Variants in ADRA1A observed in about 807,000 individuals in gnomAD.
ADRA1A encodes adrenoceptor alpha 1A, also known as alpha-1A adrenergic receptor.
Under a neutral mutation model 29.6 loss-of-function variants are expected in ADRA1A, and 31 were observed. The ratio of observed to expected loss-of-function variants is 1.05; its 90% CI spans 0.79 to 1.41. The LOEUF (loss-of-function observed/expected upper bound fraction) is 1.41. Among genes scored for constraint, ADRA1A ranks in the 40% most tolerant of loss-of-function variants. The pLI, the probability that ADRA1A is intolerant of heterozygous loss-of-function variation, is 0.00. For missense variants in ADRA1A, 619 were observed against 601.1 expected, an observed-to-expected ratio of 1.03 and a Z score of -0.31; for synonymous variants, 311 against 254.3, an observed-to-expected ratio of 1.22 and a Z score of -2.12.
rs906754724 is a variant in ADRA1A, at chr8:26,775,225, G to A, written c.884-4559C>T. ...GGACTGACTGACTGAATGAATGAAT[G>A]GCTGTGTCTCTGTGTTCTTGCCATG... On this transcript the variant is annotated intron_variant, in intron 2 of 2. Coordinates refer to ENST00000380573, the MANE Select transcript of ADRA1A (RefSeq NM_000680.4). This position sits in a 1 kb window ranked among gnomAD's most constrained non-coding sequence, Gnocchi z 4.1. 1.3e-5 allele frequency among the ~76,000 whole-genome samples: 2 copies of A among 152,228 alleles called. No homozygotes were observed. The highest frequency in any genetic ancestry group is 4.8e-5 in the African/African-American group (2 of 41,456).
At chr8:26,783,048 T>C (rs950299768) in intron 2 of ADRA1A, among the ~76,000 whole-genome samples, 9 of 152,190 alleles carry the variant, frequency 5.9e-5, no homozygotes, top group African/African-American at 2.2e-4. Flanking sequence ...TAGAACCTCA[T>C]ATCAGTTTTC....
chr8:26,843,401 C>A (rs941837174), intron 2 of ADRA1A, among the ~76,000 whole-genome samples: 2 of 152,162 alleles, frequency 1.3e-5, no homozygotes, highest in Admixed American at 6.5e-5. Context: ...TCTCCTGGCT[C>A]TTTTCAGCTT....
chr8:26,843,226 C>T (rs1030519659), intron 2 of ADRA1A, among the ~76,000 whole-genome samples: 2 of 152,172 alleles, frequency 1.3e-5, no homozygotes, highest in African/African-American at 2.4e-5. Context: ...AGCTCAGAAC[C>T]GAGCCCGCAG....
At chr8:26,770,800 C>T in intron 2 of ADRA1A, 134 bp from the exon 3 acceptor site, 4 of 1,286,794 alleles carry the variant, frequency 3.1e-6, no homozygotes, top group Non-Finnish European at 4.1e-6. Context: ...GAGTTTCTCA[C>T]ATTTGACTGA....
In ADRA1A at chr8:26,821,360, G is replaced by C. The variant is rs1014468135; in HGVS notation, c.883+42727C>G. Among the ~76,000 whole-genome samples the C allele has an allele frequency of 1.3e-4, 20 of 152,156 alleles. No homozygotes were observed. Among genetic ancestry groups the C allele is most frequent in the Non-Finnish European group, 2.9e-4 (20 of 68,028 alleles). On this transcript the variant is annotated intron_variant, in intron 2 of 2. Coordinates refer to ENST00000380573, the MANE Select transcript of ADRA1A (RefSeq NM_000680.4). This position sits in a 1 kb window ranked among gnomAD's most constrained non-coding sequence, Gnocchi z 5.6. ...AGTCATGGTGGAAGGCTAAGGGAGA[G>C]CAGGAAATATCACATGGTGAGAGTG...
In ADRA1A at chr8:26,860,401, T is replaced by C. The variant is rs531228854; in HGVS notation, c.883+3686A>G. On this transcript the variant is annotated intron_variant, in intron 2 of 2. Transcript: ENST00000380573. The surrounding 1 kb of genome is among the most constrained non-coding windows in gnomAD (Gnocchi z 4.7). ...CACACACACTCTCTGGGACTCACAG[T>C]AGGTCCTCAGCATTGCCTCCTGTAT... Among the ~76,000 whole-genome samples the C allele has an allele frequency of 1.1e-4, 17 of 152,284 alleles. No homozygotes were observed. The highest frequency in any genetic ancestry group is 1.0e-3 in the South Asian group (5 of 4,820).
chr8:26,824,400 C>G (rs1398280353), intron 2 of ADRA1A, among the ~76,000 whole-genome samples: 1 of 152,096 alleles, frequency 6.6e-6, no homozygotes, highest in African/African-American at 2.4e-5. Context: ...TCAAGGCAGC[C>G]TCCTTCAAAC....
In ADRA1A at chr8:26,848,444, GCT is replaced by G. The variant is rs144489462; in HGVS notation, c.883+15641_883+15642del. On this transcript the variant is annotated intron_variant, in intron 2 of 2. Coordinates refer to ENST00000380573, the MANE Select transcript of ADRA1A (RefSeq NM_000680.4). This position sits in a 1 kb window ranked among gnomAD's most constrained non-coding sequence, Gnocchi z 4.3. The stretch of plus-strand genomic sequence containing the variant: ...TATACAAAGAGGAAGGTACCAGAGA[GCT>G]CTCTCTCTCTCTCTCTTCATCAGGT... Among the ~76,000 whole-genome samples the G allele has an allele frequency of 7.2e-4, 107 of 148,560 alleles. No homozygotes were observed. The highest frequency in any genetic ancestry group is 8.5e-4 in the Non-Finnish European group (57 of 66,780).
chr8:26,753,554 A>G (rs1805016701), downstream of ADRA1A, among the ~76,000 whole-genome samples: 1 of 152,294 alleles, frequency 6.6e-6, no homozygotes, highest in East Asian at 1.9e-4. Flanking sequence ...TGCTCTTCCT[A>G]TACTTATTTA....
At chr8:26,802,613 C>T (rs1808667578) in intron 2 of ADRA1A, among the ~76,000 whole-genome samples, 1 of 152,140 alleles carries the variant, frequency 6.6e-6, no homozygotes, top group Non-Finnish European at 1.5e-5. Flanking sequence ...AACTCTCATA[C>T]ACCGTTGGTG....
At chr8:26,836,071 A>G (rs1811334540) in intron 2 of ADRA1A, 1 of 166,060 alleles carries the variant, frequency 6.0e-6, no homozygotes, top group Non-Finnish European at 1.3e-5. Context: ...ACACACTGGT[A>G]TCATTCACAC....
intron 2 of ADRA1A, among the ~76,000 whole-genome samples, chr8:26,783,795 A>G (rs2130371784): frequency 6.6e-6 from 1 of 152,354 alleles, no homozygotes; most frequent in African/African-American, 2.4e-5. Flanking sequence ...CCCATCAATG[A>G]TAGACTGGAT....
Position 26,769,849 on chromosome 8 carries a change from G to A in ADRA1A, c.*300C>T, listed in dbSNP as rs943661510. Reference sequence around the variant, plus strand: ...TCCTATATTTATAGTCTTTTGGATTGTGCATGAAATTCTGTTTCCCATGGT... The same window carrying A: ...TCCTATATTTATAGTCTTTTGGATTATGCATGAAATTCTGTTTCCCATGGT... On this transcript the variant is annotated 3_prime_UTR_variant, in exon 3 of 3. Coordinates refer to ENST00000380573, the MANE Select transcript of ADRA1A (RefSeq NM_000680.4). The A allele has an allele frequency of 6.2e-6, 7 of 1,136,452 alleles. No homozygotes were observed. Among genetic ancestry groups the A allele is most frequent in the Non-Finnish European group, 7.6e-6 (7 of 926,744 alleles). The allele number at this position is 1,136,452 out of a possible 1,614,324, so 70.4% of individuals were successfully genotyped here. A position where few individuals can be genotyped will look rare whatever the true frequency, so the allele number is the denominator to read the frequency against.
intron 2 of ADRA1A, among the ~76,000 whole-genome samples, chr8:26,799,095 A>G (rs1808391453): frequency 1.3e-5 from 2 of 152,150 alleles, no homozygotes; most frequent in Admixed American, 1.3e-4. Context: ...TTTAATGTAT[A>G]TAGTTGTTCA....
rs895949525 is a variant in ADRA1A, at chr8:26,821,599, C to T, written c.883+42488G>A. Reference sequence around the variant, plus strand: ...TTGGAGGGGGCAAACATTCAAACCACATTACCAGGTTTCATCCAATGGCAA... The same window carrying T: ...TTGGAGGGGGCAAACATTCAAACCATATTACCAGGTTTCATCCAATGGCAA... On this transcript the variant is annotated intron_variant, in intron 2 of 2. Transcript: ENST00000380573. This position sits in a 1 kb window ranked among gnomAD's most constrained non-coding sequence, Gnocchi z 5.6. 1.3e-5 allele frequency among the ~76,000 whole-genome samples: 2 copies of T among 152,176 alleles called. No homozygotes were observed. Among genetic ancestry groups the T allele is most frequent in the African/African-American group, 4.8e-5 (2 of 41,436 alleles).
intron 2 of ADRA1A, among the ~76,000 whole-genome samples, chr8:26,812,569 G>A (rs1809467194): frequency 6.6e-6 from 1 of 151,866 alleles, no homozygotes; most frequent in Non-Finnish European, 1.5e-5. Flanking sequence ...AATCATAAAT[G>A]AGCATCTTTC....
At chr8:26,754,115 T>C (rs939426077), downstream of ADRA1A, among the ~76,000 whole-genome samples, 2 of 152,198 alleles carry the variant, frequency 1.3e-5, no homozygotes, top group Non-Finnish European at 2.9e-5. Flanking sequence ...CCTGTAAAAA[T>C]GGCGTGTAGA....
rs746222962 is a variant in ADRA1A at position 26,865,032 on chromosome 8, GCGGGAGCGCGGGAGC to G, written c.-78_-64del. ...GGCCACCTCCCGGGCTGGCGCGGAG[GCGGGAGCGCGGGAGC>G]CGGGAATCAAAAGGTCTCGGCTGGA... On this transcript the variant is annotated 5_prime_UTR_variant, in exon 2 of 3. Transcript: ENST00000380573. The surrounding 1 kb of genome is among the most constrained non-coding windows in gnomAD (Gnocchi z 7.6). The G allele has an allele frequency of 4.6e-6, 7 of 1,518,538 alleles. No individual in the cohort carries two copies. The highest frequency in any genetic ancestry group is 2.1e-5 in the Admixed American group (1 of 47,646). The allele number at this position is 1,518,538 out of a possible 1,614,324, so 94.1% of individuals were successfully genotyped here. A position where few individuals can be genotyped will look rare whatever the true frequency, so the allele number is the denominator to read the frequency against.
At chr8:26,867,282 C>G, upstream of ADRA1A, 1 of 985,462 alleles carries the variant, frequency 1.0e-6, no homozygotes, top group Non-Finnish European at 1.2e-6. Flanking sequence ...GTAACTCAGG[C>G]AGTAGCCCAG....
Sources: allele counts gnomAD v4.1 joint callset (sites outside exome capture counted in the v4.1 genomes callset), GRCh38; gene constraint gnomAD v4.1.1; non-coding constraint Gnocchi (gnomAD v3.1); transcripts MANE v1.5; gene names NCBI Gene and HGNC (gene_info 2026-07-23, HGNC 2026-07-21).